Variants in CUBN observed in about 807,000 individuals in gnomAD.
CUBN encodes cubilin.
CUBN carries 282 observed loss-of-function variants against 405.3 expected under a neutral mutation model. The ratio of observed to expected loss-of-function variants is 0.70; its 90% confidence interval spans 0.63 to 0.77. CUBN has a LOEUF of 0.77. Among genes scored for constraint, CUBN ranks in the 30% least tolerant of loss-of-function variants. CUBN has a pLI of 0.00. For missense variants in CUBN, 4,514 were observed against 4,475.2 expected, an observed-to-expected ratio of 1.01 and a Z score of -0.25; for synonymous variants, 1,684 against 1,617.0, an observed-to-expected ratio of 1.04 and a Z score of -0.99.
intron 63 of CUBN, among the ~76,000 whole-genome samples, chr10:16,835,936 G>T (rs1839154869): frequency 6.6e-6 from 1 of 151,982 alleles, no homozygotes; most frequent in African/African-American, 2.4e-5. Context: ...TATTCAATGT[G>T]GTTAAGTGTA....
chr10:16,952,013 CGT>C (rs1842934644), intron 33 of CUBN, among the ~76,000 whole-genome samples: 3 of 151,858 alleles, frequency 2.0e-5, no homozygotes, highest in Admixed American at 2.0e-4. Flanking sequence ...TGTTGTTGTG[CGT>C]GTGTGTGTTT....
At chr10:17,069,772 G>A (rs531577219) in intron 19 of CUBN, among the ~76,000 whole-genome samples, 5 of 152,284 alleles carry the variant, frequency 3.3e-5, no homozygotes, top group East Asian at 1.9e-4. Flanking sequence ...TCGAACTCCT[G>A]AGCTCAAGTA....
At chr10:16,853,582 A>T (rs1424927478) in intron 59 of CUBN, among the ~76,000 whole-genome samples, 2 of 152,230 alleles carry the variant, frequency 1.3e-5, no homozygotes, top group African/African-American at 2.4e-5. Context: ...AGTCAGGCGA[A>T]ACTATAGAGT....
rs183257351 is a variant in CUBN at position 17,124,719 on chromosome 10, C to T, written c.388-1030G>A. The stretch of plus-strand genomic sequence containing the variant: ...CTGGGATTACAGGTGTGAGCCACCG[C>T]GCCCAGCCAGAGAAAACTTCTTTAG... On this transcript the variant is annotated intron_variant, in intron 4 of 66. Coordinates refer to ENST00000377833, the MANE Select transcript of CUBN (RefSeq NM_001081.4). 3.9e-3 allele frequency among the ~76,000 whole-genome samples: 598 copies of T among 151,810 alleles called. 2 individuals are homozygous for T. The highest frequency in any genetic ancestry group is 5.5e-3 in the Non-Finnish European group (373 of 67,900).
rs1483392983 is a variant in CUBN, at chr10:16,935,436, G to T, written c.5927-2152C>A. Among the ~76,000 whole-genome samples the T allele has an allele frequency of 2.0e-5, 3 of 152,274 alleles. No homozygotes were observed. In the East Asian group the frequency reaches 5.8e-4, roughly 29 times the overall value. On this transcript the variant is annotated intron_variant, in intron 39 of 66. Coordinates refer to ENST00000377833, the MANE Select transcript of CUBN (RefSeq NM_001081.4). ...CCCAAAGTGCTGGGATTATAGGCAT[G>T]AGCCACTGTGCCTGGTTCCCATTAC...
At position 16,933,220 on chromosome 10, in the gene CUBN, A is replaced by C. The variant is rs765054632; in HGVS notation, c.5991T>G (p.Pro1997=). The change falls in exon 40 of 67, where the codon CCT becomes CCG. Residue 1997 remains proline (P), a synonymous_variant. Coordinates refer to ENST00000377833, the MANE Select transcript of CUBN (RefSeq NM_001081.4). ...APVFLFSPGW[P]DSYSNRVDCT... is the part of the protein sequence containing the mutation. ...AGTCCACTCTATTACTGTAACTGTCAGGCCAGCCCGGGGAGAAGAGAAACA... is the reference window on the plus strand; with the variant it reads ...AGTCCACTCTATTACTGTAACTGTCCGGCCAGCCCGGGGAGAAGAGAAACA... 6.2e-7 allele frequency: 1 copy of C among 1,614,120 alleles called. No individual in the cohort carries two copies. The highest frequency in any genetic ancestry group is 8.5e-7 in the Non-Finnish European group (1 of 1,179,996).
chr10:16,986,353 G>C (rs2131706060), intron 29 of CUBN, among the ~76,000 whole-genome samples: 1 of 150,820 alleles, frequency 6.6e-6, no homozygotes, highest in Middle Eastern at 3.4e-3. Flanking sequence ...ACCCACTGCT[G>C]ACTGATAGGA....
intron 60 of CUBN, among the ~76,000 whole-genome samples, chr10:16,846,963 G>A (rs979158332): frequency 6.6e-5 from 10 of 152,034 alleles, no homozygotes; most frequent in Admixed American, 1.3e-4. Flanking sequence ...TCTCAGTTTC[G>A]TAAAGGATAA....
intron 27 of CUBN, among the ~76,000 whole-genome samples, chr10:17,040,279 A>AT (rs1396504575): frequency 6.6e-6 from 1 of 152,152 alleles, no homozygotes; most frequent in Non-Finnish European, 1.5e-5. Context: ...TTATATGTGG[A>AT]TTTTTTGAAG....
chr10:17,113,989 TG>T (rs1836825751), intron 8 of CUBN, 37 bp downstream of exon 8: 2 of 1,604,844 alleles, frequency 1.2e-6, no homozygotes, highest in African/African-American at 1.3e-5. Flanking sequence ...CTCGCCAACC[TG>T]GCATGCAGAG....
intron 7 of CUBN, among the ~76,000 whole-genome samples, chr10:17,114,951 G>T (rs182558867): frequency 6.6e-6 from 1 of 152,158 alleles, no homozygotes; most frequent in African/African-American, 2.4e-5. Context: ...TAATAAAAAT[G>T]GTCCCATTTC....
intron 31 of CUBN, among the ~76,000 whole-genome samples, chr10:16,981,412 T>C (rs556835077): frequency 1.4e-5 from 2 of 144,144 alleles, no homozygotes; most frequent in African/African-American, 5.0e-5. Flanking sequence ...TGTGACCTGA[T>C]TCTTCCTGGA....
At chr10:17,029,734 G>A (rs752107211) in intron 27 of CUBN, among the ~76,000 whole-genome samples, 20 of 152,188 alleles carry the variant, frequency 1.3e-4, no homozygotes, top group Non-Finnish European at 2.1e-4. Flanking sequence ...GTTGGCGGTG[G>A]AGCCATAATC....
At chr10:16,993,661 T>C (rs1564467529) in intron 28 of CUBN, among the ~76,000 whole-genome samples, 1 of 151,886 alleles carries the variant, frequency 6.6e-6, no homozygotes, top group African/African-American at 2.4e-5. Context: ...AAATTTCTTT[T>C]TCTTTTCTTT....
At chr10:16,842,711 T>C (rs1839390522) in intron 60 of CUBN, among the ~76,000 whole-genome samples, 1 of 152,252 alleles carries the variant, frequency 6.6e-6, no homozygotes. Context: ...GTGATGCTCC[T>C]GCTCTGTCTA....
At chr10:16,961,435 A>G (rs1441692989) in intron 31 of CUBN, among the ~76,000 whole-genome samples, 1 of 152,164 alleles carries the variant, frequency 6.6e-6, no homozygotes, top group Non-Finnish European at 1.5e-5. Flanking sequence ...TCTAAAGTTA[A>G]CATGTGTTCA....
At chr10:16,975,259 C>T (rs930686521) in intron 31 of CUBN, among the ~76,000 whole-genome samples, 1 of 152,208 alleles carries the variant, frequency 6.6e-6, no homozygotes. Flanking sequence ...GCCTAAGACC[C>T]GATCACATTT....
At chr10:16,831,162 G>A (rs1478993694) in intron 65 of CUBN, 90 bp downstream of exon 65, 1 of 1,102,758 alleles carries the variant, frequency 9.1e-7, no homozygotes, top group African/African-American at 1.5e-5. Flanking sequence ...TACACAGGTA[G>A]CTAAAAATAT....
At position 16,876,913 on chromosome 10, in the gene CUBN, A is replaced by G; in HGVS notation, c.9090T>C (p.Phe3030=). Reference sequence around the variant, plus strand: ...GCTACTCACAGATTATCCTATAGGAAAACTTGAATCCGAAGTCTGTGATTT... The same window carrying G: ...GCTACTCACAGATTATCCTATAGGAGAACTTGAATCCGAAGTCTGTGATTT... ...NEQITDFGFK[F]SYRIISCGGV... is the part of the protein sequence containing the mutation. The change falls in exon 57 of 67, where the codon TTT becomes TTC. Residue 3030 remains phenylalanine, a synonymous_variant. Transcript: ENST00000377833. 1 of 1,614,126 alleles carries G rather than the reference A, an allele frequency of 6.2e-7. No homozygotes were observed. Among genetic ancestry groups the G allele is most frequent in the Non-Finnish European group, 8.5e-7 (1 of 1,179,970 alleles).
Sources: allele counts gnomAD v4.1 joint callset (sites outside exome capture counted in the v4.1 genomes callset), GRCh38; gene constraint gnomAD v4.1.1; transcripts MANE v1.5; gene names NCBI Gene and HGNC (gene_info 2026-07-23, HGNC 2026-07-21).